SLC4A2: variants seen among roughly 807,000 people sequenced by gnomAD.
SLC4A2 encodes the protein anion exchange protein 2.
A neutral mutation model predicts 115.0 loss-of-function variants in SLC4A2; 36 were observed. The ratio of observed to expected loss-of-function variants is 0.31; its 90% CI spans 0.24 to 0.41. The LOEUF is 0.41. SLC4A2 is among the 10% of genes least tolerant of loss of function. The pLI is 1.00. For missense variants in SLC4A2, 1,252 were observed against 1,705.6 expected (o/e 0.73, Z 4.68); for synonymous variants, 708 against 708.3 (o/e 1.00, Z 0.01).
At chr7:151,062,558 C>G in intron 2 of SLC4A2, 3 of 1,430,634 alleles carry the variant, frequency 2.1e-6, no homozygotes, top group Non-Finnish European at 2.7e-6. Context: ...CTATTGGTCA[C>G]ACTGGCCCAG....
chr7:151,065,616 C>A (rs890180650), intron 5 of SLC4A2, among the ~76,000 whole-genome samples: 1 of 152,156 alleles, frequency 6.6e-6, no homozygotes, highest in Non-Finnish European at 1.5e-5. Context: ...TGCCAGGCAG[C>A]GTGAAGGGCT....
rs757497638 is a variant in SLC4A2 at position 151,071,466 on chromosome 7, G to A, written c.2052G>A (p.Gly684=). The change falls in exon 14 of 23, where the codon GGG becomes GGA. Residue 684 remains glycine (G), a synonymous_variant. Transcript: ENST00000413384. The surrounding 1 kb of genome is among the most constrained non-coding windows in gnomAD (Gnocchi z 5.5). ...GGCGGACGGGGCGGCCCTTTGGGGGGCTGATCCGAGATGTGCGGCGCCGCT... is the reference window on the plus strand; with the variant it reads ...GGCGGACGGGGCGGCCCTTTGGGGGACTGATCCGAGATGTGCGGCGCCGCT... ...PLRRTGRPFG[G]LIRDVRRRYP... is the part of the protein sequence containing the mutation. 3.7e-6 allele frequency: 6 copies of A among 1,610,666 alleles called. No individual in the cohort carries two copies. Among genetic ancestry groups the A allele is most frequent in the South Asian group, 1.1e-5 (1 of 91,044 alleles).
Position 151,064,872 on chromosome 7 carries a change from G to A in SLC4A2, c.484G>A (p.Ala162Thr), listed in dbSNP as rs368228324. Residue 162 changes from alanine to threonine, a missense_variant, in exon 5 of 23, where the codon GCT becomes ACT. Transcript: ENST00000413384. ...GTTCTTTCTCCAAGAGGATGACAGTGCTGACCGGAAGGCAGAGAGGACCAG... is the reference window on the plus strand; with the variant it reads ...GTTCTTTCTCCAAGAGGATGACAGTACTGACCGGAAGGCAGAGAGGACCAG... ...VQFFLQEDDSADRKAERTSPS... is the reference protein window; with the variant it reads ...VQFFLQEDDSTDRKAERTSPS... 189 of 1,613,868 alleles carry A rather than the reference G, an allele frequency of 1.2e-4. No individual in the cohort carries two copies. The highest frequency in any genetic ancestry group is 1.0e-3 in the South Asian group (91 of 91,092).
Position 151,076,199 on chromosome 7 carries a change from G to A in SLC4A2, c.3645+13G>A, listed in dbSNP as rs368224671. Reference sequence around the variant, plus strand: ...AGAGATGAAATGTGTAAGCCCTCCCGTCTGCCTCCCCCGGTTCCTCTTGCC... The same window carrying A: ...AGAGATGAAATGTGTAAGCCCTCCCATCTGCCTCCCCCGGTTCCTCTTGCC... On this transcript the variant is annotated intron_variant, in intron 22 of 22. Transcript: ENST00000413384. 62 of 1,611,298 alleles carry A rather than the reference G, an allele frequency of 3.8e-5. No homozygotes were observed. The highest frequency in any genetic ancestry group is 8.9e-5 in the East Asian group (4 of 44,832).
At position 151,067,079 on chromosome 7, in the gene SLC4A2, A is replaced by G. The variant is rs1236787354; in HGVS notation, c.966+86A>G. ...CAGACCAGCTGTAATCTCAAGCCTC[A>G]GGGTTGCCACTGTTGTTTTGTTGTT... On this transcript the variant is annotated intron_variant, in intron 7 of 22. Transcript: ENST00000413384. The G allele has an allele frequency of 8.0e-6, 11 of 1,371,504 alleles. No homozygotes were observed. The East Asian group carries it at 2.1e-4, about 26-fold the overall frequency. 85.0% of individuals were successfully genotyped at this position (1,371,504 alleles called of 1,614,324 possible).
In SLC4A2 at chr7:151,064,507, G is replaced by A. The variant is rs1797160571; in HGVS notation, c.218-19G>A. ...GGGACACTGTGCCTGCCACAGCCAA[G>A]TCCCCCTCCTCCCTGCAGACCACCG... On this transcript the variant is annotated intron_variant, in intron 3 of 22. Coordinates refer to ENST00000413384, the MANE Select transcript of SLC4A2 (RefSeq NM_003040.4). The A allele has an allele frequency of 6.2e-7, 1 of 1,600,786 alleles. No individual in the cohort carries two copies. The highest frequency in any genetic ancestry group is 1.1e-5 in the South Asian group (1 of 89,462).
rs1350570350 is a variant in SLC4A2 at position 151,074,453 on chromosome 7, C to T, written c.2845C>T (p.Leu949Phe). 6.2e-7 allele frequency: 1 copy of T among 1,613,932 alleles called. No homozygotes were observed. Among genetic ancestry groups the T allele is most frequent in the Non-Finnish European group, 8.5e-7 (1 of 1,180,030 alleles). The change falls in exon 18 of 23, where the codon CTT becomes TTT. Residue 949 changes from leucine to phenylalanine, a missense_variant. Leu to Phe is a conservative substitution (Grantham distance 22). Around this residue, in one of 14 missense-constraint regions of SLC4A2, gnomAD observed 253 missense variants for 407.4 expected, o/e 0.62. Coordinates refer to ENST00000413384, the MANE Select transcript of SLC4A2 (RefSeq NM_003040.4). ...GVPIAILIMV[L>F]VDYSIEDTYT... ...GCCCATCGCCATCCTCATCATGGTG[C>T]TTGTGGATTACAGTATTGAGGACAC...
intron 7 of SLC4A2, among the ~76,000 whole-genome samples, chr7:151,067,333 G>A (rs1018047480): frequency 3.3e-5 from 5 of 152,144 alleles, no homozygotes; most frequent in Admixed American, 2.0e-4. Flanking sequence ...GAATCCGCCC[G>A]CCTCGGCCTC....
Position 151,060,858 on chromosome 7 carries a change from A to G in SLC4A2, c.-63-1067A>G, listed in dbSNP as rs1266841466. On this transcript the variant is annotated intron_variant, in intron 1 of 22. Transcript: ENST00000413384. This position sits in a 1 kb window ranked among gnomAD's most constrained non-coding sequence, Gnocchi z 5.9. ...CCCCAGACCTATATTGTTTGACGCT[A>G]CACTGACTTGTCTTACTCCTAAGTC... Among the ~76,000 whole-genome samples, 1 of 152,146 alleles carries G rather than the reference A, an allele frequency of 6.6e-6. No individual in the cohort carries two copies. Among genetic ancestry groups the G allele is most frequent in the Non-Finnish European group, 1.5e-5 (1 of 67,982 alleles).
chr7:151,073,519 T>A (rs1417039898), intron 16 of SLC4A2, among the ~76,000 whole-genome samples: 1 of 152,182 alleles, frequency 6.6e-6, no homozygotes, highest in Admixed American at 6.5e-5. Flanking sequence ...TCTGCCCGCC[T>A]CGGCCTCCCA....
At chr7:151,070,149 C>T (rs1256220919) in intron 9 of SLC4A2, 32 bp from the exon 10 acceptor site, 1 of 1,614,078 alleles carries the variant, frequency 6.2e-7, no homozygotes, top group South Asian at 1.1e-5. Context: ...GTCATTGACC[C>T]TCCTTTGCCT....
chr7:151,069,049 G>A (rs186477767), intron 8 of SLC4A2, among the ~76,000 whole-genome samples: 4,095 of 147,966 alleles, frequency 0.028, 102 homozygotes, highest in Middle Eastern at 0.041. Context: ...TGAGGCAGGA[G>A]AATGGTGTGA....
chr7:151,071,098 T>C lies in SLC4A2; in HGVS notation c.1776T>C (p.Ala592=), dbSNP rs761813545. Residue 592 remains alanine (A), a synonymous_variant, in exon 13 of 23, where the codon GCT becomes GCC. Transcript: ENST00000413384. The surrounding 1 kb of genome is among the most constrained non-coding windows in gnomAD (Gnocchi z 5.5). Reference sequence around the variant, plus strand: ...AATTCCACGAGGCAGCCTACCTGGCTGACGAGCGGGAGGACCTGCTGACGG... The same window carrying C: ...AATTCCACGAGGCAGCCTACCTGGCCGACGAGCGGGAGGACCTGCTGACGG... ...DKQFHEAAYL[A]DEREDLLTAI... 2.8e-5 allele frequency: 45 copies of C among 1,612,678 alleles called. No individual in the cohort carries two copies. The highest frequency in any genetic ancestry group is 3.2e-5 in the Non-Finnish European group (38 of 1,180,002).
rs758003226 is a variant in SLC4A2, at chr7:151,064,836, T to C, written c.460-12T>C. The C allele has an allele frequency of 1.2e-6, 2 of 1,613,598 alleles. No homozygotes were observed. The highest frequency in any genetic ancestry group is 2.7e-5 in the African/African-American group (2 of 74,904). Reference sequence around the variant, plus strand: ...GCCTGGTCACTCCTGCCCATGTGGGTCCCTGTTACAGTTCTTTCTCCAAGA... The same window carrying C: ...GCCTGGTCACTCCTGCCCATGTGGGCCCCTGTTACAGTTCTTTCTCCAAGA... On this transcript the variant is annotated splice_polypyrimidine_tract_variant and intron_variant, in intron 4 of 22. Coordinates refer to ENST00000413384, the MANE Select transcript of SLC4A2 (RefSeq NM_003040.4).
At position 151,074,849 on chromosome 7, in the gene SLC4A2, G is replaced by T; in HGVS notation, c.3047+8G>T. On this transcript the variant is annotated splice_region_variant and intron_variant, in intron 19 of 22. Coordinates refer to ENST00000413384, the MANE Select transcript of SLC4A2 (RefSeq NM_003040.4). Reference sequence around the variant, plus strand: ...GGAGACACAGATCACCACGTGAGTGGTCCTAGCCAAAGGGGTGTGAGAGGC... The same window carrying T: ...GGAGACACAGATCACCACGTGAGTGTTCCTAGCCAAAGGGGTGTGAGAGGC... 1 of 1,595,384 alleles carries T rather than the reference G, an allele frequency of 6.3e-7. No homozygotes were observed. Among genetic ancestry groups the T allele is most frequent in the Non-Finnish European group, 8.5e-7 (1 of 1,171,072 alleles).
intron 2 of SLC4A2, chr7:151,062,671 G>T: frequency 6.6e-7 from 1 of 1,519,144 alleles, no homozygotes; most frequent in Non-Finnish European, 8.8e-7. Context: ...CAGGTGCGAG[G>T]GGTCTGCGAC....
At chr7:151,067,246 C>T (rs1797267316) in intron 7 of SLC4A2, among the ~76,000 whole-genome samples, 1 of 152,186 alleles carries the variant, frequency 6.6e-6, no homozygotes, top group Non-Finnish European at 1.5e-5. Flanking sequence ...CTGCTACGCC[C>T]AGCTAATTTT....
chr7:151,059,521 C>G (rs1796976174), upstream of SLC4A2: 1 of 151,504 alleles, frequency 6.6e-6, no homozygotes, highest in East Asian at 1.9e-4. This position sits in a 1 kb window ranked among gnomAD's most constrained non-coding sequence, Gnocchi z 5.8. Flanking sequence ...AGCGCGCCCC[C>G]GCCCCGGCCC....
rs773449209 is a variant in SLC4A2 at position 151,069,995 on chromosome 7, A to G, written c.1196A>G (p.His399Arg). The G allele has an allele frequency of 1.2e-6, 2 of 1,614,058 alleles. No individual in the cohort carries two copies. The highest frequency in any genetic ancestry group is 2.2e-5 in the South Asian group (2 of 91,088). The change falls in exon 9 of 23, where the codon CAC (histidine) becomes CGC (arginine). Residue 399 changes from histidine to arginine, a missense_variant. His to Arg is a conservative substitution (Grantham distance 29). This residue lies in a region of SLC4A2 where 142 missense variants were observed against 153.5 expected (regional missense o/e 0.93). Transcript: ENST00000413384. ...LDQQTLPGVAHQVVEQMVISD... is the reference protein window; with the variant it reads ...LDQQTLPGVARQVVEQMVISD... ...CAGCAGACCCTGCCCGGAGTGGCCC[A>G]CCAGGTGGTGGAGCAGATGGTCATC... is the stretch of plus-strand genomic sequence containing the variant.
Sources: gnomAD v4.1 joint callset for allele counts (sites outside exome capture counted in the v4.1 genomes callset) on GRCh38, gnomAD v4.1.1 for gene constraint, gnomAD v4.1.1 regional missense constraint, Gnocchi (gnomAD v3.1) non-coding constraint, MANE v1.5 for transcripts, NCBI Gene and HGNC (gene_info 2026-07-23, HGNC 2026-07-21) for gene names.